Variants in EFL1 observed in about 807,000 individuals in gnomAD.
EFL1 encodes elongation factor-like GTPase 1.
A neutral mutation model predicts 126.7 loss-of-function variants in EFL1; 76 were observed. That is an observed-to-expected ratio of 0.60 (90% CI 0.50 to 0.73). EFL1 has a LOEUF of 0.73. Among genes scored for constraint, EFL1 ranks in the 30% least tolerant of loss-of-function variants. The probability of loss-of-function intolerance (pLI) is 0.00; values close to 1 mark genes in which losing one functional copy is unlikely to be tolerated. For synonymous variants in EFL1, 410 were observed against 448.4 expected (o/e 0.91, Z 1.08); for missense variants, 1,128 against 1,343.2 (o/e 0.84, Z 2.50).
At chr15:82,202,526 T>C (rs1595980336) in intron 15 of EFL1, among the ~76,000 whole-genome samples, 1 of 152,292 alleles carries the variant, frequency 6.6e-6, no homozygotes, top group East Asian at 1.9e-4. Context: ...AATGAAATAA[T>C]GTGCATCATC....
At chr15:82,239,021 A>G (rs2074903115) in intron 6 of EFL1, among the ~76,000 whole-genome samples, 1 of 152,118 alleles carries the variant, frequency 6.6e-6, no homozygotes, top group Non-Finnish European at 1.5e-5. Flanking sequence ...AATGGAACCT[A>G]TTACTCAGAT....
At chr15:82,175,185 T>C (rs1168819612) in intron 15 of EFL1, among the ~76,000 whole-genome samples, 2 of 152,174 alleles carry the variant, frequency 1.3e-5, no homozygotes, top group African/African-American at 4.8e-5. Flanking sequence ...AATCCCAAGC[T>C]TCAAAAGCTT....
At chr15:82,246,477 T>C (rs754458234) in intron 4 of EFL1, among the ~76,000 whole-genome samples, 4 of 151,978 alleles carry the variant, frequency 2.6e-5, no homozygotes, top group Non-Finnish European at 4.4e-5. Context: ...ATCGGAGTAA[T>C]TGAGAGAGTA....
rs377682013 is a variant in EFL1, at chr15:82,151,552, C to T, written c.2902G>A (p.Ala968Thr). The part of the protein sequence containing the change: ...SGQLIATMKE[A>T]CRYALQVKPQ... ...TTCACTTGCAGTGCATAGCGACATG[C>T]TTCTTTCATGGTGGCAATTAGCTGT... The change falls in exon 18 of 20, where the codon GCA becomes ACA. Residue 968 changes from alanine (A) to threonine (T), a missense_variant. Transcript: ENST00000268206. 6.2e-7 allele frequency: 1 copy of T among 1,614,108 alleles called. No individual in the cohort carries two copies. Among genetic ancestry groups the T allele is most frequent in the Non-Finnish European group, 8.5e-7 (1 of 1,180,018 alleles).
At chr15:82,130,994 G>T (rs776261216) in intron 19 of EFL1, among the ~76,000 whole-genome samples, 1 of 151,920 alleles carries the variant, frequency 6.6e-6, no homozygotes, top group South Asian at 2.1e-4. Context: ...CAGCCTGGGC[G>T]ACAGAGTGAG....
At chr15:82,166,913 T>C (rs989330133) in intron 15 of EFL1, among the ~76,000 whole-genome samples, 2 of 152,220 alleles carry the variant, frequency 1.3e-5, no homozygotes, top group African/African-American at 4.8e-5. Flanking sequence ...GAAAGCACAT[T>C]TGCTAAAGCA....
At chr15:82,238,240 T>G in intron 7 of EFL1, 67 bp downstream of exon 7, 1 of 1,522,810 alleles carries the variant, frequency 6.6e-7, no homozygotes, top group Non-Finnish European at 8.9e-7. Context: ...AAATAAAAGT[T>G]TCACTAAAAA....
chr15:82,202,199 T>G (rs1400868247), intron 15 of EFL1, among the ~76,000 whole-genome samples: 1 of 152,196 alleles, frequency 6.6e-6, no homozygotes, highest in Non-Finnish European at 1.5e-5. Context: ...CTTTTCTACA[T>G]ATATTGCTGG....
chr15:82,194,438 A>G (rs2074389258), intron 15 of EFL1, among the ~76,000 whole-genome samples: 1 of 152,236 alleles, frequency 6.6e-6, no homozygotes, highest in Non-Finnish European at 1.5e-5. Flanking sequence ...ACTGACTTAC[A>G]TTTAAAGAAT....
At chr15:82,250,683 G>A (rs1228121336) in intron 4 of EFL1, among the ~76,000 whole-genome samples, 1 of 152,082 alleles carries the variant, frequency 6.6e-6, no homozygotes, top group African/African-American at 2.4e-5. Context: ...CAAATCCAAG[G>A]ACAACAGTGG....
chr15:82,237,142 CA>C (rs2074881388), intron 7 of EFL1, among the ~76,000 whole-genome samples: 1 of 151,878 alleles, frequency 6.6e-6, no homozygotes, highest in African/African-American at 2.4e-5. Context: ...GACTCTGTCT[CA>C]AAAAACAAAA....
intron 4 of EFL1, among the ~76,000 whole-genome samples, chr15:82,252,010 C>T (rs1184642387): frequency 2.0e-5 from 3 of 152,152 alleles, no homozygotes. Context: ...ATTACCTAAA[C>T]ACATTCATAT....
intron 2 of EFL1, among the ~76,000 whole-genome samples, chr15:82,260,262 T>C (rs2075101717): frequency 6.6e-6 from 1 of 152,210 alleles, no homozygotes; most frequent in Non-Finnish European, 1.5e-5. Flanking sequence ...TTATCAGCCT[T>C]CACATTCTCA....
intron 15 of EFL1, among the ~76,000 whole-genome samples, chr15:82,179,795 T>C (rs931032770): frequency 4.3e-5 from 5 of 116,666 alleles, no homozygotes; most frequent in Non-Finnish European, 8.1e-5. Context: ...CCCTCACTTC[T>C]ATATGGCTGG....
chr15:82,185,509 T>C (rs2074294943), intron 15 of EFL1, among the ~76,000 whole-genome samples: 1 of 152,138 alleles, frequency 6.6e-6, no homozygotes, highest in Non-Finnish European at 1.5e-5. Context: ...AAATTTTTAC[T>C]TTTATGGCAA....
chr15:82,212,249 G>C (rs1263578592), intron 15 of EFL1, among the ~76,000 whole-genome samples: 2 of 152,178 alleles, frequency 1.3e-5, no homozygotes, highest in Non-Finnish European at 2.9e-5. Context: ...TTAGGATTAT[G>C]ACAAATCCCA....
At chr15:82,138,190 T>C (rs746234731) in intron 19 of EFL1, among the ~76,000 whole-genome samples, 18 of 152,130 alleles carry the variant, frequency 1.2e-4, no homozygotes, top group Non-Finnish European at 2.1e-4. Flanking sequence ...CTGAAGAATA[T>C]ACAGTACATA....
At chr15:82,238,867 C>A (rs2074901585) in intron 6 of EFL1, among the ~76,000 whole-genome samples, 1 of 152,122 alleles carries the variant, frequency 6.6e-6, no homozygotes, top group African/African-American at 2.4e-5. Flanking sequence ...TAGTTTGTAA[C>A]CTTAGTCCAC....
At chr15:82,149,677 G>A (rs528949969) in intron 18 of EFL1, among the ~76,000 whole-genome samples, 3 of 152,288 alleles carry the variant, frequency 2.0e-5, no homozygotes, top group African/African-American at 7.2e-5. Context: ...GAAGGATTTG[G>A]AGTTTTTCTC....
Sources: gnomAD v4.1 joint callset for allele counts (sites outside exome capture counted in the v4.1 genomes callset) on GRCh38, gnomAD v4.1.1 for gene constraint, MANE v1.5 for transcripts, NCBI Gene and HGNC (gene_info 2026-07-23, HGNC 2026-07-21) for gene names.